Variants in SGCD observed in about 807,000 individuals in gnomAD.
SGCD encodes the protein delta-sarcoglycan.
Under a neutral mutation model 36.6 loss-of-function variants are expected in SGCD, and 18 were observed. The observed-to-expected ratio is 0.49, with a 90% CI of 0.34 to 0.73. SGCD has a LOEUF of 0.73. Among genes scored for constraint, SGCD ranks in the 30% least tolerant of loss-of-function variants. The pLI, the probability that SGCD is intolerant of heterozygous loss-of-function variation, is 0.01. For synonymous variants in SGCD, 133 were observed against 130.6 expected, an observed-to-expected ratio of 1.02 and a Z score of -0.12; for missense variants, 387 against 346.7, an observed-to-expected ratio of 1.12 and a Z score of -0.92.
At chr5:156,151,686 A>G (rs939441233) in intron 3 of SGCD, among the ~76,000 whole-genome samples, 1 of 151,592 alleles carries the variant, frequency 6.6e-6, no homozygotes, top group African/African-American at 2.4e-5. Flanking sequence ...CTTCATTGTG[A>G]AGAAATGTTT....
intron 4 of SGCD, among the ~76,000 whole-genome samples, chr5:156,531,018 A>G (rs1757865775): frequency 6.6e-6 from 1 of 152,154 alleles, no homozygotes; most frequent in Admixed American, 6.5e-5. Flanking sequence ...ATGTGTTAAA[A>G]CTTAATGACC....
intron 1 of SGCD, among the ~76,000 whole-genome samples, chr5:155,871,883 C>T (rs1207448122): frequency 2.6e-5 from 4 of 152,108 alleles, no homozygotes; most frequent in Non-Finnish European, 4.4e-5. Context: ...AGAAATACAT[C>T]GTTAGATTTG....
chr5:156,549,787 T>C (rs6876726), intron 4 of SGCD, among the ~76,000 whole-genome samples: 72,600 of 152,102 alleles, frequency 0.48, 17,572 homozygotes, highest in African/African-American at 0.5. Flanking sequence ...AATTCTACTT[T>C]ATGGCTGTCT....
chr5:156,315,771 A>G (rs1316902975), intron 3 of SGCD, among the ~76,000 whole-genome samples: 2 of 151,774 alleles, frequency 1.3e-5, no homozygotes, highest in African/African-American at 4.8e-5. Context: ...ATGTGAGATA[A>G]CTCATTGTGC....
At chr5:156,719,495 A>G (rs565264298) in intron 7 of SGCD, among the ~76,000 whole-genome samples, 301 of 152,302 alleles carry the variant, frequency 2.0e-3, no homozygotes, top group African/African-American at 6.6e-3. Context: ...ATTAACCATT[A>G]GAGATTGTAA....
At chr5:156,622,337 G>T (rs552060772) in intron 6 of SGCD, among the ~76,000 whole-genome samples, 59 of 151,722 alleles carry the variant, frequency 3.9e-4, no homozygotes, top group African/African-American at 1.4e-3. Flanking sequence ...AGAGCCTGAG[G>T]CAGGAGAATC....
intron 3 of SGCD, among the ~76,000 whole-genome samples, chr5:156,133,692 AT>A (rs796233074): frequency 3.9e-4 from 59 of 150,526 alleles, no homozygotes; most frequent in African/African-American, 1.3e-3. Context: ...TTTTGCCTTT[AT>A]TTTTTTTTGT....
the SGCD span, among the ~76,000 whole-genome samples, chr5:155,790,719 AAC>A: frequency 6.6e-6 from 1 of 152,142 alleles, no homozygotes; most frequent in African/African-American, 2.4e-5. Context: ...TGCTGAAAAT[AAC>A]AGATATTCTT....
intron 7 of SGCD, among the ~76,000 whole-genome samples, chr5:156,712,504 G>A (rs1755037127): frequency 6.6e-6 from 1 of 152,172 alleles, no homozygotes; most frequent in African/African-American, 2.4e-5. Context: ...TCTGTATTAG[G>A]TAGGAACCGT....
chr5:156,592,947 C>T (rs945282642), intron 5 of SGCD, among the ~76,000 whole-genome samples: 12 of 152,156 alleles, frequency 7.9e-5, no homozygotes, highest in East Asian at 5.8e-4. Flanking sequence ...TTCTTTTCCA[C>T]GTGTTGTCCC....
intron 1 of SGCD, among the ~76,000 whole-genome samples, chr5:156,103,166 T>C (rs527479031): frequency 2.3e-4 from 35 of 152,302 alleles, no homozygotes; most frequent in African/African-American, 8.4e-4. Context: ...TTACTAGTAT[T>C]TCAAATCCAG....
chr5:155,855,254 C>A, the SGCD span, among the ~76,000 whole-genome samples: 1 of 152,128 alleles, frequency 6.6e-6, no homozygotes, highest in Non-Finnish European at 1.5e-5. Context: ...TTTTTAAATA[C>A]CCCAACTCCT....
At chr5:155,873,188 C>A (rs1289242301) in intron 1 of SGCD, among the ~76,000 whole-genome samples, 1 of 152,152 alleles carries the variant, frequency 6.6e-6, no homozygotes, top group Non-Finnish European at 1.5e-5. Flanking sequence ...GGTGTCCAAG[C>A]CAGTTACCAC....
chr5:156,254,112 A>T (rs1765650483), intron 3 of SGCD, among the ~76,000 whole-genome samples: 1 of 152,170 alleles, frequency 6.6e-6, no homozygotes, highest in South Asian at 2.1e-4. Flanking sequence ...TTTAATGCCT[A>T]GAAATCCGAT....
At chr5:156,434,662 T>C (rs1753168914) in intron 3 of SGCD, among the ~76,000 whole-genome samples, 1 of 152,192 alleles carries the variant, frequency 6.6e-6, no homozygotes, top group South Asian at 2.1e-4. Context: ...AATGTGATGA[T>C]GGCCACAGAA....
chr5:155,728,724 A>C, the SGCD span, among the ~76,000 whole-genome samples: 1 of 151,942 alleles, frequency 6.6e-6, no homozygotes, highest in Non-Finnish European at 1.5e-5. Flanking sequence ...GCGAAGTCCG[A>C]AGTCCGCCCC....
intron 3 of SGCD, among the ~76,000 whole-genome samples, chr5:156,237,190 T>G (rs1445699887): frequency 6.6e-6 from 1 of 152,212 alleles, no homozygotes; most frequent in South Asian, 2.1e-4. Context: ...TTGGCTATTT[T>G]ATATCTAAAA....
At chr5:155,856,534 T>A in the SGCD span, among the ~76,000 whole-genome samples, 1 of 151,710 alleles carries the variant, frequency 6.6e-6, no homozygotes, top group African/African-American at 2.4e-5. Flanking sequence ...ACAACTGTTT[T>A]GAAAGACACT....
rs148420357 is a variant in SGCD, at chr5:155,888,057, C to T, written c.-282+17633C>T. ...CATTCAGGTTCATCCAACTCCAAAG[C>T]TCTGTTCACCACTATGAGATTCTGC... On this transcript the variant is annotated intron_variant, in intron 1 of 9. Transcript: ENST00000517913. Among the ~76,000 whole-genome samples the T allele has an allele frequency of 1.5e-3, 227 of 152,300 alleles. 2 individuals carry two copies. Among genetic ancestry groups the T allele is most frequent in the African/African-American group, 5.3e-3 (221 of 41,562 alleles).
Sources: allele counts gnomAD v4.1 joint callset (sites outside exome capture counted in the v4.1 genomes callset), GRCh38; gene constraint gnomAD v4.1.1; transcripts MANE v1.5; gene names NCBI Gene and HGNC (gene_info 2026-07-23, HGNC 2026-07-21).